The following EPHX1 variants were observed in gnomAD, a reference collection of about 807,000 sequenced individuals.
EPHX1 encodes the protein epoxide hydratase.
EPHX1 carries 40 observed loss-of-function variants against 43.2 expected under a neutral mutation model. The ratio of observed to expected loss-of-function variants is 0.93; its 90% CI spans 0.72 to 1.21. The LOEUF is 1.21. Among genes scored for constraint, EPHX1 ranks in the 50% most tolerant of loss-of-function variants. The pLI is 0.00. For missense variants in EPHX1, 550 were observed against 570.4 expected (o/e 0.96, Z 0.36); for synonymous variants, 221 against 226.7 (o/e 0.98, Z 0.22).
chr1:225,832,055 C>G (rs1667634981), intron 3 of EPHX1, 96 bp downstream of exon 3: 2 of 1,378,550 alleles, frequency 1.5e-6, no homozygotes, highest in Non-Finnish European at 2.0e-6. Context: ...TGGAGAGATT[C>G]AGAACCCAAT....
At chr1:225,839,472 G>A in intron 5 of EPHX1, 126 bp downstream of exon 5, 1 of 1,516,592 alleles carries the variant, frequency 6.6e-7, no homozygotes, top group Non-Finnish European at 8.8e-7. Flanking sequence ...AGTGTGACCT[G>A]TCACTCAGCA....
At position 225,838,525 on chromosome 1, in the gene EPHX1, A is replaced by G. The variant is rs79860830; in HGVS notation, c.365-129A>G. ...ACCAGTGTCAGCCCTTATTACTGTC[A>G]ATACCATGAAGGGGCGGCGGGGGCA... On this transcript the variant is annotated intron_variant, in intron 3 of 8. Transcript: ENST00000272167. 3,898 of 754,466 alleles carry G rather than the reference A, an allele frequency of 5.2e-3. 139 individuals carry two copies. In the East Asian group the frequency reaches 0.081, roughly 16 times the overall value. The allele number at this position is 754,466 out of a possible 1,614,324, so 46.7% of individuals were successfully genotyped here.
Position 225,845,149 on chromosome 1 carries a change from G to A in EPHX1, c.1170G>A (p.Met390Ile). Residue 390 changes from methionine to isoleucine, a missense_variant, in exon 9 of 9, where the codon ATG becomes ATA. Physicochemically the swap from Met to Ile is conservative, Grantham distance 10 (BLOSUM62 1). Transcript: ENST00000272167. ...QGWMTQKHERMKVYVPTGFSA... is the reference protein window; with the variant it reads ...QGWMTQKHERIKVYVPTGFSA... ...CCGTCGGCTCTTTCACTTCCAGGAT[G>A]AAGGTCTATGTGCCCACTGGCTTCT... 6.2e-7 allele frequency: 1 copy of A among 1,614,054 alleles called. No homozygotes were observed. Among genetic ancestry groups the A allele is most frequent in the Non-Finnish European group, 8.5e-7 (1 of 1,179,998 alleles).
At chr1:225,832,576 CTTG>C (rs1165193478) in intron 3 of EPHX1, among the ~76,000 whole-genome samples, 1 of 152,236 alleles carries the variant, frequency 6.6e-6, no homozygotes, top group Non-Finnish European at 1.5e-5. Context: ...CAGAAGTGGA[CTTG>C]TTGGATCATA....
At chr1:225,813,078 T>C (rs1666561571) in intron 1 of EPHX1, among the ~76,000 whole-genome samples, 1 of 152,174 alleles carries the variant, frequency 6.6e-6, no homozygotes, top group Admixed American at 6.5e-5. Context: ...TTCTTGCAGC[T>C]CTGCTATGTG....
intron 1 of EPHX1, among the ~76,000 whole-genome samples, chr1:225,814,969 C>G (rs1485547834): frequency 6.6e-6 from 1 of 152,254 alleles, no homozygotes; most frequent in Non-Finnish European, 1.5e-5. Flanking sequence ...TAAGAGAAGA[C>G]TGACTCTTAC....
At chr1:225,821,720 C>G (rs1232918258) in intron 1 of EPHX1, among the ~76,000 whole-genome samples, 2 of 151,100 alleles carry the variant, frequency 1.3e-5, no homozygotes, top group African/African-American at 4.9e-5. Context: ...ACCACCATGC[C>G]TGGCTAATTT....
chr1:225,821,763 A>G (rs1463538195), intron 1 of EPHX1, among the ~76,000 whole-genome samples: 1 of 149,476 alleles, frequency 6.7e-6, no homozygotes, highest in Non-Finnish European at 1.5e-5. Context: ...GGGTTTTGCC[A>G]TGTTGCCCAG....
chr1:225,839,430 G>A (rs1178956794), intron 5 of EPHX1, 84 bp downstream of exon 5: 1 of 1,586,816 alleles, frequency 6.3e-7, no homozygotes, highest in Non-Finnish European at 8.5e-7. Context: ...TGTGTGCAGG[G>A]TGGGCCAAGG....
chr1:225,829,402 T>C (rs1241484674), intron 2 of EPHX1, among the ~76,000 whole-genome samples: 1 of 152,224 alleles, frequency 6.6e-6, no homozygotes, highest in Non-Finnish European at 1.5e-5. Flanking sequence ...AAACTGCAGA[T>C]GCAGAAGCTG....
intron 1 of EPHX1, chr1:225,825,547 A>G (rs1667190621): frequency 6.6e-6 from 1 of 152,208 alleles, no homozygotes; most frequent in African/African-American, 2.4e-5. Flanking sequence ...AGGTACAGGT[A>G]AGGAGGGTGG....
At chr1:225,812,739 G>T (rs1666544842) in intron 1 of EPHX1, among the ~76,000 whole-genome samples, 1 of 152,168 alleles carries the variant, frequency 6.6e-6, no homozygotes, top group Non-Finnish European at 1.5e-5. Context: ...TCACAGCTGG[G>T]TGTACCAAAT....
intron 6 of EPHX1, chr1:225,840,895 T>G (rs1668343121): frequency 1.3e-5 from 2 of 152,250 alleles, no homozygotes; most frequent in Admixed American, 1.3e-4. Flanking sequence ...ATCATAATAA[T>G]GGCACTTTAT....
chr1:225,827,287 C>A (rs568077091), intron 1 of EPHX1, among the ~76,000 whole-genome samples: 2 of 152,208 alleles, frequency 1.3e-5, no homozygotes, highest in African/African-American at 2.4e-5. Context: ...TTTGCAGGGG[C>A]CTTGTCAGAA....
At chr1:225,840,822 C>A (rs1576033768) in intron 6 of EPHX1, 1 of 152,306 alleles carries the variant, frequency 6.6e-6, no homozygotes, top group Non-Finnish European at 1.5e-5. Flanking sequence ...TTGTCTTGCC[C>A]ATCTCAAAGT....
chr1:225,832,073 G>C lies in EPHX1; in HGVS notation c.364+114G>C, dbSNP rs2260863. The C allele has an allele frequency of 0.71, 784,939 of 1,097,962 alleles. 284,125 individuals are homozygous for C. Among genetic ancestry groups the C allele is most frequent in the East Asian group, 0.95 (39,376 of 41,270 alleles). 68.0% of individuals were successfully genotyped at this position (1,097,962 alleles called of 1,614,324 possible). A position where few individuals can be genotyped will look rare whatever the true frequency, so the allele number is the denominator to read the frequency against. On this transcript the variant is annotated intron_variant, in intron 3 of 8. Coordinates refer to ENST00000272167, the MANE Select transcript of EPHX1 (RefSeq NM_001136018.4). ...AGAGATTCAGAACCCAATTATAGGTGACTGAGATGTACTTATACGTTGTAA... is the reference window on the plus strand; with the variant it reads ...AGAGATTCAGAACCCAATTATAGGTCACTGAGATGTACTTATACGTTGTAA...
intron 3 of EPHX1, among the ~76,000 whole-genome samples, chr1:225,838,169 T>A (rs1668072023): frequency 6.6e-6 from 1 of 152,254 alleles, no homozygotes; most frequent in Non-Finnish European, 1.5e-5. Flanking sequence ...CTATGTTAAA[T>A]AAATATACAT....
intron 2 of EPHX1, among the ~76,000 whole-genome samples, chr1:225,830,662 G>A (rs1393442595): frequency 1.3e-5 from 2 of 151,946 alleles, no homozygotes; most frequent in Non-Finnish European, 2.9e-5. Context: ...ATGGGGTTTC[G>A]CCATGTTGGC....
intron 1 of EPHX1, among the ~76,000 whole-genome samples, chr1:225,816,676 C>T (rs1666738113): frequency 6.6e-6 from 1 of 152,210 alleles, no homozygotes; most frequent in Non-Finnish European, 1.5e-5. Context: ...CCCGCGTGGC[C>T]TTCCCCTTCC....
Sources: allele counts gnomAD v4.1 joint callset (sites outside exome capture counted in the v4.1 genomes callset), GRCh38; gene constraint gnomAD v4.1.1; transcripts MANE v1.5; gene names NCBI Gene and HGNC (gene_info 2026-07-23, HGNC 2026-07-21).